The following DDC variants were observed in gnomAD, a reference collection of about 807,000 sequenced individuals.
DDC encodes aromatic-L-amino-acid decarboxylase.
In DDC, 43 loss-of-function variants were observed where a neutral mutation model predicts 60.0. The ratio of observed to expected loss-of-function variants is 0.72; its 90% CI spans 0.56 to 0.92. DDC has a LOEUF of 0.92. Ranked by LOEUF, DDC falls within the 40% of genes least tolerant of loss-of-function variation. The pLI, the probability that DDC is intolerant of heterozygous loss-of-function variation, is 0.00. For missense variants in DDC, 573 were observed against 620.2 expected (o/e 0.92, Z 0.81); for synonymous variants, 232 against 234.6 (o/e 0.99, Z 0.10).
At chr7:50,522,628 A>G (rs1304829960) in intron 6 of DDC, among the ~76,000 whole-genome samples, 6 of 152,246 alleles carry the variant, frequency 3.9e-5, no homozygotes, top group African/African-American at 1.2e-4. Context: ...TCTTTGACAA[A>G]GGAACAAAAG....
At chr7:50,483,310 T>C (rs2042810526) in intron 9 of DDC, among the ~76,000 whole-genome samples, 1 of 152,242 alleles carries the variant, frequency 6.6e-6, no homozygotes, top group Non-Finnish European at 1.5e-5. Context: ...TTTAAAAATC[T>C]TCTACTATTA....
Position 50,544,118 on chromosome 7 carries a change from A to C in DDC, c.-28-5T>G. The C allele has an allele frequency of 6.2e-7, 1 of 1,607,744 alleles. No homozygotes were observed. The highest frequency in any genetic ancestry group is 8.5e-7 in the Non-Finnish European group (1 of 1,174,270). On this transcript the variant is annotated splice_polypyrimidine_tract_variant and splice_region_variant and intron_variant, in intron 1 of 14. Transcript: ENST00000444124. Reference sequence around the variant, plus strand: ...GGGCTCTGTCAGAGGTGAAAACTGCAGAAAGAAAATGATTCAGTGAGCAAA... The same window carrying C: ...GGGCTCTGTCAGAGGTGAAAACTGCCGAAAGAAAATGATTCAGTGAGCAAA...
rs1422020299 is a variant in DDC at position 50,470,742 on chromosome 7, TGCTCCAGAA to T, written c.1042-580_1042-572del. Among the ~76,000 whole-genome samples, 6 of 152,264 alleles carry T rather than the reference TGCTCCAGAA, an allele frequency of 3.9e-5. No individual in the cohort carries two copies. The South Asian group carries it at 8.3e-4, about 21-fold the overall frequency. ...GACACAATGTGTGTCTCCATGCTGG[TGCTCCAGAA>T]GCTTTCCCTGTCCTTCCTCTGGTTT... On this transcript the variant is annotated intron_variant, in intron 11 of 14. Transcript: ENST00000444124.
chr7:50,550,152 T>G (rs2044941406), intron 1 of DDC, among the ~76,000 whole-genome samples: 1 of 152,168 alleles, frequency 6.6e-6, no homozygotes, highest in South Asian at 2.1e-4. Context: ...GTTACTTTGT[T>G]TTAAGGAATT....
intron 6 of DDC, among the ~76,000 whole-genome samples, chr7:50,519,766 A>G (rs961607972): frequency 1.3e-5 from 2 of 152,070 alleles, no homozygotes; most frequent in African/African-American, 4.8e-5. Context: ...GTGAGGAATA[A>G]AAGACTACAA....
intron 11 of DDC, among the ~76,000 whole-genome samples, chr7:50,476,370 C>A (rs1379949151): frequency 6.6e-6 from 1 of 152,224 alleles, no homozygotes; most frequent in Non-Finnish European, 1.5e-5. Flanking sequence ...GGGGCAGAAG[C>A]TCCTTTCTCC....
intron 1 of DDC, among the ~76,000 whole-genome samples, chr7:50,559,178 G>T (rs2045276751): frequency 6.6e-6 from 1 of 152,198 alleles, no homozygotes; most frequent in Non-Finnish European, 1.5e-5. Context: ...AGAGGCTGAG[G>T]GAAGCATGCA....
At chr7:50,459,388 G>T (rs1408220137) in intron 14 of DDC, among the ~76,000 whole-genome samples, 5 of 152,244 alleles carry the variant, frequency 3.3e-5, no homozygotes, top group African/African-American at 4.8e-5. Context: ...CCCCGGTTGG[G>T]AAGTGCGGAG....
Position 50,476,679 on chromosome 7 carries a change from G to A in DDC, c.1022-36C>T, listed in dbSNP as rs757122493. 24 of 1,589,990 alleles carry A rather than the reference G, an allele frequency of 1.5e-5. No individual in the cohort carries two copies. In the Admixed American group the frequency reaches 2.2e-4, roughly 14 times the overall value. On this transcript the variant is annotated intron_variant, in intron 10 of 14. Coordinates refer to ENST00000444124, the MANE Select transcript of DDC (RefSeq NM_001082971.2). ...GAGAAAGAAAAAGAAAAAAGAAATC[G>A]TTAGACAGGTTTGTTGATCACACGC...
chr7:50,528,685 C>A (rs2044109423), intron 5 of DDC, among the ~76,000 whole-genome samples: 1 of 152,104 alleles, frequency 6.6e-6, no homozygotes, highest in East Asian at 1.9e-4. Context: ...GGTGGCCAGG[C>A]TCAGTAAACA....
At chr7:50,538,219 C>T (rs548749226) in intron 3 of DDC, among the ~76,000 whole-genome samples, 29 of 152,240 alleles carry the variant, frequency 1.9e-4, no homozygotes, top group South Asian at 1.0e-3. Flanking sequence ...ATGGGCTCTG[C>T]GGGCTTGCTA....
At chr7:50,476,108 G>A (rs1161048089) in intron 11 of DDC, among the ~76,000 whole-genome samples, 1 of 152,120 alleles carries the variant, frequency 6.6e-6, no homozygotes, top group Admixed American at 6.5e-5. Context: ...TACTGCCTTT[G>A]GTCCCAAATT....
At chr7:50,476,759 A>T (rs1271909035) in intron 10 of DDC, 116 bp from the exon 11 acceptor site, 1 of 958,768 alleles carries the variant, frequency 1.0e-6, no homozygotes, top group Non-Finnish European at 1.6e-6. Flanking sequence ...CAGAAATAAA[A>T]CTGCCCAAAG....
intron 11 of DDC, among the ~76,000 whole-genome samples, chr7:50,472,536 A>G (rs2042556979): frequency 6.6e-6 from 1 of 152,154 alleles, no homozygotes; most frequent in Non-Finnish European, 1.5e-5. Flanking sequence ...GCAGGGCTGC[A>G]TGGCTCAGTG....
chr7:50,522,306 G>A (rs2043915013), intron 6 of DDC, among the ~76,000 whole-genome samples: 1 of 152,052 alleles, frequency 6.6e-6, no homozygotes, highest in African/African-American at 2.4e-5. Context: ...TCACATACAT[G>A]GATAGGAAGT....
At chr7:50,499,285 C>T in intron 7 of DDC, 43 bp from the exon 8 acceptor site, 4 of 1,405,886 alleles carry the variant, frequency 2.8e-6, no homozygotes, top group Non-Finnish European at 4.0e-6. Context: ...ATGGATGCCT[C>T]ACCACGGAGC....
intron 9 of DDC, among the ~76,000 whole-genome samples, chr7:50,491,600 G>A (rs529248279): frequency 1.3e-5 from 2 of 152,106 alleles, no homozygotes; most frequent in African/African-American, 4.8e-5. Flanking sequence ...AAATAAGCTG[G>A]ATGCTTTCAT....
At chr7:50,555,977 T>G (rs2045174252) in intron 1 of DDC, among the ~76,000 whole-genome samples, 1 of 152,238 alleles carries the variant, frequency 6.6e-6, no homozygotes, top group African/African-American at 2.4e-5. Context: ...ACTTCAGGAT[T>G]AGAAACTTGT....
At chr7:50,495,273 C>T in intron 9 of DDC, 77 bp downstream of exon 9, 1 of 1,086,182 alleles carries the variant, frequency 9.2e-7, no homozygotes, top group Non-Finnish European at 1.4e-6. Flanking sequence ...ACCCCTTTGG[C>T]TCTGGCATCT....
Sources: gnomAD v4.1 joint callset for allele counts (sites outside exome capture counted in the v4.1 genomes callset) on GRCh38, gnomAD v4.1.1 for gene constraint, MANE v1.5 for transcripts, NCBI Gene and HGNC (gene_info 2026-07-23, HGNC 2026-07-21) for gene names.